MB21D2: variants seen among roughly 807,000 people sequenced by gnomAD.
MB21D2 encodes nucleotidyltransferase MB21D2.
A neutral mutation model predicts 33.3 loss-of-function variants in MB21D2; 9 were observed. That is an observed-to-expected ratio of 0.27 (90% CI 0.16 to 0.47). The LOEUF (loss-of-function observed/expected upper bound fraction) is 0.47, where lower values mean the gene tolerates loss of function less well. Among genes scored for constraint, MB21D2 ranks in the 20% least tolerant of loss-of-function variants. MB21D2 has a pLI of 0.99. For synonymous variants in MB21D2, 241 were observed against 236.3 expected, an observed-to-expected ratio of 1.02 and a Z score of -0.18; for missense variants, 540 against 624.6, an observed-to-expected ratio of 0.86 and a Z score of 1.44.
At chr3:192,898,067 A>T (rs1714016420) in intron 1 of MB21D2, among the ~76,000 whole-genome samples, 1 of 152,184 alleles carries the variant, frequency 6.6e-6, no homozygotes, top group Admixed American at 6.5e-5. Flanking sequence ...TCTCTCATGC[A>T]AATATACTAC....
intron 1 of MB21D2, among the ~76,000 whole-genome samples, chr3:192,884,262 T>C (rs1370900371): frequency 6.6e-6 from 1 of 152,130 alleles, no homozygotes; most frequent in Non-Finnish European, 1.5e-5. Context: ...TTGTAAATCA[T>C]TCTTTAATTC....
At chr3:192,914,522 T>C (rs1395866125) in intron 1 of MB21D2, among the ~76,000 whole-genome samples, 1 of 152,144 alleles carries the variant, frequency 6.6e-6, no homozygotes, top group East Asian at 1.9e-4. Flanking sequence ...CCAAATATTA[T>C]TAAAACATTA....
chr3:192,895,081 G>C (rs557609224), intron 1 of MB21D2, among the ~76,000 whole-genome samples: 41 of 152,142 alleles, frequency 2.7e-4, no homozygotes, highest in Non-Finnish European at 4.9e-4. Flanking sequence ...CCTGGGTTGG[G>C]GGGGAGGGGG....
At chr3:192,812,827 T>C (rs1178304828) in intron 1 of MB21D2, among the ~76,000 whole-genome samples, 1 of 151,780 alleles carries the variant, frequency 6.6e-6, no homozygotes, top group Non-Finnish European at 1.5e-5. Context: ...CAAAGTCTAA[T>C]ACCTAATTTC....
chr3:192,845,928 ATAACT>A (rs151067804), intron 1 of MB21D2, among the ~76,000 whole-genome samples: 10,591 of 152,000 alleles, frequency 0.07, 1,217 homozygotes, highest in African/African-American at 0.24. Flanking sequence ...AAAATAAAAA[ATAACT>A]TAACTGGGCA....
intron 1 of MB21D2, among the ~76,000 whole-genome samples, chr3:192,860,748 T>G (rs1713024555): frequency 6.6e-6 from 1 of 152,212 alleles, no homozygotes; most frequent in Admixed American, 6.5e-5. Flanking sequence ...CTTATGTCCC[T>G]GTCTCAGAGG....
At chr3:192,829,860 G>C (rs913715912) in intron 1 of MB21D2, among the ~76,000 whole-genome samples, 1 of 152,020 alleles carries the variant, frequency 6.6e-6, no homozygotes, top group Non-Finnish European at 1.5e-5. Flanking sequence ...CTGTGTAGCC[G>C]GGACCACAGG....
chr3:192,873,133 C>T (rs1577191422), intron 1 of MB21D2, among the ~76,000 whole-genome samples: 1 of 152,244 alleles, frequency 6.6e-6, no homozygotes, highest in Admixed American at 6.5e-5. Flanking sequence ...AAAATGAATC[C>T]ATTACCTACC....
chr3:192,818,529 G>C (rs886999700), intron 1 of MB21D2, among the ~76,000 whole-genome samples: 12 of 152,134 alleles, frequency 7.9e-5, no homozygotes, highest in African/African-American at 2.9e-4. Flanking sequence ...AAAGTATGTG[G>C]CTTTTCTTTT....
chr3:192,849,316 T>TTTGG (rs1394136617), intron 1 of MB21D2, among the ~76,000 whole-genome samples: 1 of 92,168 alleles, frequency 1.1e-5, no homozygotes, highest in African/African-American at 4.0e-5. Flanking sequence ...TCTCTTTTTT[T>TTTGG]GGGGGGGGGG....
At chr3:192,884,596 T>C (rs1713688940) in intron 1 of MB21D2, among the ~76,000 whole-genome samples, 1 of 152,010 alleles carries the variant, frequency 6.6e-6, no homozygotes. Context: ...CTTGATCTCC[T>C]GACCTCGTGA....
At chr3:192,916,581 C>A (rs1714469853) in intron 1 of MB21D2, among the ~76,000 whole-genome samples, 1 of 152,210 alleles carries the variant, frequency 6.6e-6, no homozygotes, top group Non-Finnish European at 1.5e-5. Context: ...CCGCCGGCCA[C>A]GCACCGCTTG....
intron 1 of MB21D2, among the ~76,000 whole-genome samples, chr3:192,853,616 T>A (rs1025553986): frequency 6.6e-6 from 1 of 152,082 alleles, no homozygotes; most frequent in Non-Finnish European, 1.5e-5. Context: ...CGCTAAATGT[T>A]CCACATACAT....
At chr3:192,901,123 T>C (rs1714091221) in intron 1 of MB21D2, among the ~76,000 whole-genome samples, 1 of 151,964 alleles carries the variant, frequency 6.6e-6, no homozygotes, top group African/African-American at 2.4e-5. Context: ...CCAGGGTTGG[T>C]TGGTCTTGGA....
intron 1 of MB21D2, among the ~76,000 whole-genome samples, chr3:192,890,576 A>G (rs1170898354): frequency 1.3e-5 from 2 of 149,760 alleles, no homozygotes; most frequent in Non-Finnish European, 2.9e-5. Flanking sequence ...TTCTGTAAGC[A>G]ATGATTACAG....
chr3:192,835,263 G>A (rs545084536), intron 1 of MB21D2, among the ~76,000 whole-genome samples: 1 of 150,068 alleles, frequency 6.7e-6, no homozygotes, highest in Admixed American at 6.6e-5. Flanking sequence ...GACCATCCTG[G>A]CTAGCACGGT....
chr3:192,886,054 G>A (rs536457784), intron 1 of MB21D2, among the ~76,000 whole-genome samples: 2 of 151,892 alleles, frequency 1.3e-5, no homozygotes, highest in South Asian at 2.1e-4. Flanking sequence ...TCCGCCTCCC[G>A]GGTTCAAGCA....
rs375862853 is a variant in MB21D2, at chr3:192,854,445, C to T, written c.212-54795G>A. 1.7e-4 allele frequency among the ~76,000 whole-genome samples: 26 copies of T among 152,282 alleles called. 1 individual carries two copies. The East Asian group carries it at 2.1e-3, about 12-fold the overall frequency. On this transcript the variant is annotated intron_variant, in intron 1 of 1. Transcript: ENST00000392452. ...AAAGTTTGAAGCTAGCAGAAACTGG[C>T]TCATGAGATTTAAGGAAATAAGTCA...
At chr3:192,886,597 C>T (rs1191349240) in intron 1 of MB21D2, among the ~76,000 whole-genome samples, 2 of 152,068 alleles carry the variant, frequency 1.3e-5, no homozygotes, top group African/African-American at 4.8e-5. Context: ...TCCTGAAATA[C>T]GAGTGTGTCA....
Sources: gnomAD v4.1 joint callset for allele counts (sites outside exome capture counted in the v4.1 genomes callset) on GRCh38, gnomAD v4.1.1 for gene constraint, MANE v1.5 for transcripts, NCBI Gene and HGNC (gene_info 2026-07-23, HGNC 2026-07-21) for gene names.